Variants in SLC39A14 observed in about 807,000 individuals in gnomAD.
The protein encoded by SLC39A14 is metal cation symporter ZIP14.
Under a neutral mutation model 45.5 loss-of-function variants are expected in SLC39A14, and 19 were observed. That is an observed-to-expected ratio of 0.42 (90% CI 0.29 to 0.61). SLC39A14 has a LOEUF of 0.61. Ranked by LOEUF, SLC39A14 falls within the 20% of genes least tolerant of loss-of-function variation. The pLI is 0.22. For missense variants in SLC39A14, 447 were observed against 616.5 expected, an observed-to-expected ratio of 0.73 and a Z score of 2.91; for synonymous variants, 264 against 251.3, an observed-to-expected ratio of 1.05 and a Z score of -0.48.
intron 8 of SLC39A14, among the ~76,000 whole-genome samples, chr8:22,429,787 C>T (rs1444364933): frequency 6.6e-6 from 1 of 152,214 alleles, no homozygotes; most frequent in Non-Finnish European, 1.5e-5. Context: ...GTGAAAGATC[C>T]TTCCCTTAAG....
chr8:22,394,987 T>C (rs1834302561), intron 1 of SLC39A14, among the ~76,000 whole-genome samples: 2 of 151,568 alleles, frequency 1.3e-5, no homozygotes, highest in Admixed American at 6.6e-5. Flanking sequence ...AAAGAAGTTT[T>C]AGTATGTTTC....
chr8:22,425,614 A>G (rs1055086157), downstream of SLC39A14, among the ~76,000 whole-genome samples: 2 of 151,646 alleles, frequency 1.3e-5, no homozygotes, highest in African/African-American at 4.9e-5. Flanking sequence ...TCAGCTAAGT[A>G]TGCTTAGAAC....
At chr8:22,379,979 T>A (rs1586647545) in intron 1 of SLC39A14, among the ~76,000 whole-genome samples, 1 of 144,660 alleles carries the variant, frequency 6.9e-6, no homozygotes. Flanking sequence ...AACAATATAA[T>A]GGTTAAAAAG....
Position 22,405,105 on chromosome 8 carries a change from C to T in SLC39A14, c.270+125C>T, listed in dbSNP as rs961127093. On this transcript the variant is annotated intron_variant, in intron 2 of 8. Coordinates refer to ENST00000381237, the MANE Select transcript of SLC39A14 (RefSeq NM_001128431.4). Reference sequence around the variant, plus strand: ...GAGGTAGGATGAGGCAGACAAGTCTCGATGATAGAGTGGACAGGCTGATTC... The same window carrying T: ...GAGGTAGGATGAGGCAGACAAGTCTTGATGATAGAGTGGACAGGCTGATTC... The T allele has an allele frequency of 6.1e-6, 5 of 825,526 alleles. No homozygotes were observed. In the African/African-American group the frequency reaches 6.9e-5, roughly 11 times the overall value. 51.1% of individuals were successfully genotyped at this position (825,526 alleles called of 1,614,324 possible). A position where few individuals can be genotyped will look rare whatever the true frequency, so the allele number is the denominator to read the frequency against.
At chr8:22,406,292 T>A (rs141286289) in intron 2 of SLC39A14, among the ~76,000 whole-genome samples, 5 of 150,386 alleles carry the variant, frequency 3.3e-5, no homozygotes, top group Admixed American at 6.6e-5. Flanking sequence ...CTACTAAAAA[T>A]ACAAAAATTA....
chr8:22,394,798 A>G (rs1171793062), intron 1 of SLC39A14, among the ~76,000 whole-genome samples: 2 of 152,070 alleles, frequency 1.3e-5, no homozygotes, highest in African/African-American at 2.4e-5. Flanking sequence ...TTCATGCCCC[A>G]GAATTTCTGC....
intron 5 of SLC39A14, 92 bp from the exon 6 acceptor site, chr8:22,415,677 C>T: frequency 1.7e-6 from 2 of 1,194,514 alleles, no homozygotes; most frequent in Non-Finnish European, 2.4e-6. Context: ...CTGAGGTCTT[C>T]CAGTGTGTGA....
downstream of SLC39A14, among the ~76,000 whole-genome samples, chr8:22,425,995 G>A (rs142016947): frequency 0.015 from 2,208 of 150,696 alleles, 47 homozygotes; most frequent in African/African-American, 0.051. Flanking sequence ...AGATTCAAGC[G>A]ATTCTCCTGT....
chr8:22,368,320 C>G (rs1174987863), intron 1 of SLC39A14, among the ~76,000 whole-genome samples: 2 of 151,992 alleles, frequency 1.3e-5, no homozygotes, highest in Non-Finnish European at 2.9e-5. Context: ...AGCCCCAGGC[C>G]ATTGGGACGG....
intron 1 of SLC39A14, among the ~76,000 whole-genome samples, chr8:22,368,118 G>A (rs1246168039): frequency 6.6e-6 from 1 of 152,160 alleles, no homozygotes; most frequent in Non-Finnish European, 1.5e-5. Context: ...CAGGGCCTGG[G>A]TTCCAGAGAC....
rs371324408 is a variant in SLC39A14 at position 22,407,624 on chromosome 8, G to A, written c.271-686G>A. Among the ~76,000 whole-genome samples the A allele has an allele frequency of 5.7e-4, 86 of 152,024 alleles. 1 individual carries two copies. The East Asian group carries it at 0.013, about 23-fold the overall frequency. On this transcript the variant is annotated intron_variant, in intron 2 of 8. Coordinates refer to ENST00000381237, the MANE Select transcript of SLC39A14 (RefSeq NM_001128431.4). ...GATCTGCCCATCTGAGTCTCCCAAAGTGCTGGGATTACAGGCGAGAGCCAC... is the reference window on the plus strand; with the variant it reads ...GATCTGCCCATCTGAGTCTCCCAAAATGCTGGGATTACAGGCGAGAGCCAC...
intron 7 of SLC39A14, among the ~76,000 whole-genome samples, chr8:22,416,694 C>G (rs1412428332): frequency 6.6e-6 from 1 of 152,050 alleles, no homozygotes; most frequent in Non-Finnish European, 1.5e-5. Context: ...CTCAGCCTCC[C>G]AAAGTGCTGG....
intron 8 of SLC39A14, among the ~76,000 whole-genome samples, chr8:22,419,277 G>A (rs1320126176): frequency 2.0e-5 from 3 of 152,158 alleles, no homozygotes; most frequent in South Asian, 2.1e-4. Context: ...CTTGCCTTCC[G>A]GGTTCAAGCA....
chr8:22,368,903 C>T (rs1832788644), intron 1 of SLC39A14, among the ~76,000 whole-genome samples: 1 of 152,142 alleles, frequency 6.6e-6, no homozygotes, highest in Non-Finnish European at 1.5e-5. Context: ...TCCTTGGATG[C>T]ATATCCCCCG....
chr8:22,396,599 A>AG lies in SLC39A14; in HGVS notation c.-15-8097_-15-8096insG, dbSNP rs1563535103. On this transcript the variant is annotated intron_variant, in intron 1 of 8. Transcript: ENST00000381237. ...GAGAGAGAGAGAGAGAGAGAGAGAGAAGACTAAGTGGAATTTGGAATTGGA... is the reference window on the plus strand; with the variant it reads ...GAGAGAGAGAGAGAGAGAGAGAGAGAGAGACTAAGTGGAATTTGGAATTGGA... Among the ~76,000 whole-genome samples, 209 of 104,402 alleles carry AG rather than the reference A, an allele frequency of 2.0e-3. 42 individuals are homozygous for AG. The highest frequency in any genetic ancestry group is 3.4e-3 in the African/African-American group (94 of 27,420). 68.5% of individuals were successfully genotyped at this position (104,402 alleles called of 152,430 possible). A position where few individuals can be genotyped will look rare whatever the true frequency, so the allele number is the denominator to read the frequency against.
chr8:22,390,122 C>T, intron 1 of SLC39A14: 1 of 168,994 alleles, frequency 5.9e-6, no homozygotes, highest in East Asian at 1.7e-4. Context: ...TACAGCTATG[C>T]CGACAGCATG....
At position 22,404,630 on chromosome 8, in the gene SLC39A14, C is replaced by T. The variant is rs574529727; in HGVS notation, c.-15-66C>T. The T allele has an allele frequency of 2.8e-5, 41 of 1,482,902 alleles. No homozygotes were observed. In the African/African-American group the frequency reaches 3.9e-4, roughly 14 times the overall value. 91.9% of individuals were successfully genotyped at this position (1,482,902 alleles called of 1,614,324 possible). On this transcript the variant is annotated intron_variant, in intron 1 of 8. Coordinates refer to ENST00000381237, the MANE Select transcript of SLC39A14 (RefSeq NM_001128431.4). ...CTCAACATGTTCAGTGTGTGGCGGG[C>T]GGGCCTGGCGCAGTTGCCGGCACAC...
chr8:22,372,757 A>G (rs977136509), intron 1 of SLC39A14, among the ~76,000 whole-genome samples: 1 of 152,092 alleles, frequency 6.6e-6, no homozygotes, highest in African/African-American at 2.4e-5. Context: ...TGTCTTTTGT[A>G]TATGTGGCTA....
At chr8:22,387,144 G>C (rs906168993) in intron 1 of SLC39A14, among the ~76,000 whole-genome samples, 5 of 149,322 alleles carry the variant, frequency 3.3e-5, no homozygotes, top group African/African-American at 1.2e-4. Flanking sequence ...GTGCACTCCA[G>C]TTTAGGTAAC....
Sources: gnomAD v4.1 joint callset for allele counts (sites outside exome capture counted in the v4.1 genomes callset) on GRCh38, gnomAD v4.1.1 for gene constraint, MANE v1.5 for transcripts, NCBI Gene and HGNC (gene_info 2026-07-23, HGNC 2026-07-21) for gene names.